FSIP1: variants seen among roughly 807,000 people sequenced by gnomAD.
FSIP1 encodes fibrous sheath interacting protein 1, also known as fibrous sheath-interacting protein 1.
In FSIP1, 65 loss-of-function variants were observed where a neutral mutation model predicts 60.9. The ratio of observed to expected loss-of-function variants is 1.07; its 90% CI spans 0.87 to 1.31. FSIP1 has a LOEUF of 1.31. Among genes scored for constraint, FSIP1 ranks in the 40% most tolerant of loss-of-function variants. The probability of loss-of-function intolerance (pLI) is 0.00; values close to 1 mark genes in which losing one functional copy is unlikely to be tolerated. For synonymous variants in FSIP1, 209 were observed against 221.2 expected (o/e 0.94, Z 0.49); for missense variants, 675 against 665.5 (o/e 1.01, Z -0.16).
intron 10 of FSIP1, among the ~76,000 whole-genome samples, chr15:39,634,951 T>TAAAAAGAAGAGCCAAAA (rs771852637): frequency 0.025 from 3,794 of 152,068 alleles, 149 homozygotes; most frequent in East Asian, 0.11. Flanking sequence ...AAAAAGAAGA[T>TAAAAAGAAGAGCCAAAA]AGAGGCCTAA....
chr15:39,714,551 G>C (rs141180393), intron 9 of FSIP1, among the ~76,000 whole-genome samples: 1 of 150,494 alleles, frequency 6.6e-6, no homozygotes, highest in African/African-American at 2.5e-5. Context: ...CTTTCTCACC[G>C]TCTTAGTTAA....
At chr15:39,738,832 A>G (rs1230936034) in intron 7 of FSIP1, among the ~76,000 whole-genome samples, 1 of 152,236 alleles carries the variant, frequency 6.6e-6, no homozygotes, top group Non-Finnish European at 1.5e-5. Context: ...CGAGAGTCCC[A>G]GAGGCCAGTC....
chr15:39,601,877 T>C (rs1482486453), intron 11 of FSIP1, among the ~76,000 whole-genome samples: 1 of 148,034 alleles, frequency 6.8e-6, no homozygotes, highest in Non-Finnish European at 1.5e-5. Flanking sequence ...GGTGATTGCC[T>C]AGGGCTGGGG....
At position 39,739,633 on chromosome 15, in the gene FSIP1, A is replaced by G. The variant is rs747845768; in HGVS notation, c.780+32T>C. ...CATTTTTTTCAACTCATTTAGCCCC[A>G]AATTCTGGCTTCTGAATTTCTAAGT... On this transcript the variant is annotated intron_variant, in intron 7 of 11. Transcript: ENST00000350221. The G allele has an allele frequency of 1.9e-6, 3 of 1,573,314 alleles. No individual in the cohort carries two copies. The Admixed American group carries it at 6.4e-5, about 33-fold the overall frequency.
chr15:39,648,820 T>C (rs916170402), intron 10 of FSIP1, among the ~76,000 whole-genome samples: 2 of 152,194 alleles, frequency 1.3e-5, no homozygotes, highest in Admixed American at 1.3e-4. Context: ...AGATGACCCC[T>C]TCAAATAATC....
chr15:39,692,648 G>C (rs1894648525), intron 10 of FSIP1, among the ~76,000 whole-genome samples: 1 of 152,100 alleles, frequency 6.6e-6, no homozygotes, highest in African/African-American at 2.4e-5. Context: ...AATTTAGTGT[G>C]TAAGAATGTA....
rs949651177 is a variant in FSIP1 at position 39,735,051 on chromosome 15, C to G, written c.891+3040G>C. ...GAAAATCTATCGCCATAGTTTGATA[C>G]GCAGTGAGACCATGGGTAGCAGTTT... On this transcript the variant is annotated intron_variant, in intron 8 of 11. Transcript: ENST00000350221. Among the ~76,000 whole-genome samples, 5 of 152,270 alleles carry G rather than the reference C, an allele frequency of 3.3e-5. No individual in the cohort carries two copies. In the East Asian group the frequency reaches 7.7e-4, roughly 23 times the overall value.
At chr15:39,776,321 T>C (rs1595409862) in intron 2 of FSIP1, 78 bp downstream of exon 2, 2 of 1,365,460 alleles carry the variant, frequency 1.5e-6, no homozygotes, top group East Asian at 4.7e-5. Flanking sequence ...TAAAATGGGA[T>C]GTTAACAACA....
chr15:39,754,919 C>T (rs1294201759), intron 5 of FSIP1, among the ~76,000 whole-genome samples: 5 of 151,934 alleles, frequency 3.3e-5, no homozygotes, highest in East Asian at 3.9e-4. Flanking sequence ...GCTTCCACAG[C>T]GTGACAGTAG....
Position 39,618,144 on chromosome 15 carries a change from T to C in FSIP1, c.1290A>G (p.Lys430=). ...GTGTTACGTCCTCAATGTCTTCCTTTTTTCTTTCTGAAGAAAGTTTAATGA... is the reference window on the plus strand; with the variant it reads ...GTGTTACGTCCTCAATGTCTTCCTTCTTTCTTTCTGAAGAAAGTTTAATGA... ...KSIIKLSSER[K]KEDIEDVTPV... is the part of the protein sequence containing the mutation. The change falls in exon 11 of 12, where the codon AAA becomes AAG. Residue 430 remains lysine (K), a synonymous_variant. Transcript: ENST00000350221. 1 of 1,614,198 alleles carries C rather than the reference T, an allele frequency of 6.2e-7. No homozygotes were observed. Among genetic ancestry groups the C allele is most frequent in the Non-Finnish European group, 8.5e-7 (1 of 1,180,022 alleles).
chr15:39,743,970 G>A (rs1896894201), intron 5 of FSIP1, among the ~76,000 whole-genome samples: 1 of 152,138 alleles, frequency 6.6e-6, no homozygotes, highest in Non-Finnish European at 1.5e-5. Context: ...GTAATGCATA[G>A]CCTGAGATTT....
intron 10 of FSIP1, among the ~76,000 whole-genome samples, chr15:39,622,236 G>A (rs1017608072): frequency 6.6e-6 from 1 of 152,118 alleles, no homozygotes; most frequent in Non-Finnish European, 1.5e-5. Flanking sequence ...CCATAAACAA[G>A]TTATTATTCA....
chr15:39,622,532 G>C (rs1454469246), intron 10 of FSIP1, among the ~76,000 whole-genome samples: 1 of 152,194 alleles, frequency 6.6e-6, no homozygotes, highest in Non-Finnish European at 1.5e-5. Context: ...ATGTCTTACA[G>C]AATAATAATA....
In FSIP1 at chr15:39,765,878, T is replaced by C; in HGVS notation, c.311-132A>G. 4.0e-6 allele frequency: 2 copies of C among 503,774 alleles called. 1 individual carries two copies. The highest frequency in any genetic ancestry group is 6.9e-6 in the Non-Finnish European group (2 of 288,424). 31.2% of individuals were successfully genotyped at this position (503,774 alleles called of 1,614,324 possible). A position where few individuals can be genotyped will look rare whatever the true frequency, so the allele number is the denominator to read the frequency against. ...AGTAATAACTACTACATTGGTACCA[T>C]GTATCTCAATTTACAAGGTGCTTTC... On this transcript the variant is annotated intron_variant, in intron 3 of 11. Transcript: ENST00000350221.
At chr15:39,651,454 T>G (rs4480779) in intron 10 of FSIP1, among the ~76,000 whole-genome samples, 114,709 of 152,106 alleles carry the variant, frequency 0.75, 44,525 homozygotes, top group Non-Finnish European at 0.87. Context: ...TGGTGAAAGC[T>G]CTAATGAATG....
intron 10 of FSIP1, among the ~76,000 whole-genome samples, chr15:39,658,051 C>T (rs1476634443): frequency 6.6e-6 from 1 of 152,108 alleles, no homozygotes; most frequent in East Asian, 1.9e-4. Context: ...GTACTTTTAA[C>T]ATAAAATAAA....
At chr15:39,667,662 T>TAA (rs1337985333) in intron 10 of FSIP1, among the ~76,000 whole-genome samples, 14 of 152,160 alleles carry the variant, frequency 9.2e-5, no homozygotes, top group African/African-American at 2.9e-4. Context: ...GGAGGCAGTC[T>TAA]TAGCGGGAGA....
intron 10 of FSIP1, among the ~76,000 whole-genome samples, chr15:39,687,631 G>A (rs1272976386): frequency 6.6e-6 from 1 of 152,152 alleles, no homozygotes; most frequent in Non-Finnish European, 1.5e-5. Flanking sequence ...GTCTACATGA[G>A]GGCCTCCTCT....
chr15:39,610,187 G>A (rs1163573376), intron 11 of FSIP1, among the ~76,000 whole-genome samples: 2 of 152,022 alleles, frequency 1.3e-5, no homozygotes, highest in Non-Finnish European at 2.9e-5. Context: ...ACACCATCAA[G>A]AAAACTAACT....
Sources: allele counts gnomAD v4.1 joint callset (sites outside exome capture counted in the v4.1 genomes callset), GRCh38; gene constraint gnomAD v4.1.1; transcripts MANE v1.5; gene names NCBI Gene and HGNC (gene_info 2026-07-23, HGNC 2026-07-21).